NEBL: variants seen among roughly 807,000 people sequenced by gnomAD.
NEBL encodes the protein LIM and SH3 protein 2.
In NEBL, 122 loss-of-function variants were observed where a neutral mutation model predicts 140.2. The observed-to-expected ratio is 0.87, with a 90% CI of 0.75 to 1.01. The LOEUF is 1.01. Among genes scored for constraint, NEBL ranks in the 50% least tolerant of loss-of-function variants. The pLI is 0.00. For missense variants in NEBL, 1,365 were observed against 1,231.3 expected, an observed-to-expected ratio of 1.11 and a Z score of -1.62; for synonymous variants, 436 against 398.9, an observed-to-expected ratio of 1.09 and a Z score of -1.11.
intron 3 of NEBL, among the ~76,000 whole-genome samples, chr10:21,193,224 C>T (rs993282389): frequency 2.6e-5 from 4 of 152,118 alleles, no homozygotes; most frequent in African/African-American, 9.7e-5. Context: ...CGTGGGTGAG[C>T]ACCTGGAGAC....
chr10:21,211,100 G>A (rs975334367), intron 3 of NEBL, among the ~76,000 whole-genome samples: 1 of 152,202 alleles, frequency 6.6e-6, no homozygotes, highest in Non-Finnish European at 1.5e-5. Context: ...CTCGCAGAAA[G>A]AGGAGATAGA....
chr10:20,942,230 C>A (rs1834909802), intron 4 of NEBL, among the ~76,000 whole-genome samples: 1 of 152,094 alleles, frequency 6.6e-6, no homozygotes, highest in Non-Finnish European at 1.5e-5. Context: ...GGTACTGGTA[C>A]CAAAACAGTG....
chr10:21,158,584 C>T (rs571401585), intron 2 of NEBL, among the ~76,000 whole-genome samples: 11 of 152,270 alleles, frequency 7.2e-5, no homozygotes. Flanking sequence ...ACTCCCCCAC[C>T]ACATCCGCTC....
intron 4 of NEBL, among the ~76,000 whole-genome samples, chr10:20,955,158 G>A (rs33932343): frequency 0.45 from 68,296 of 151,988 alleles, 16,024 homozygotes; most frequent in Admixed American, 0.57. Flanking sequence ...GAGAGGTGAC[G>A]AGAAATGCAA....
intron 4 of NEBL, among the ~76,000 whole-genome samples, chr10:20,911,265 T>C (rs961838007): frequency 1.3e-4 from 20 of 152,196 alleles, no homozygotes; most frequent in Non-Finnish European, 2.6e-4. Flanking sequence ...CTCTGGAAAG[T>C]AAATTCTATC....
intron 2 of NEBL, among the ~76,000 whole-genome samples, chr10:21,134,320 A>T (rs1198703933): frequency 6.6e-6 from 1 of 152,040 alleles, no homozygotes; most frequent in Non-Finnish European, 1.5e-5. Flanking sequence ...ACTCTCCTAG[A>T]CTCAAAGCTG....
At chr10:20,991,342 ATTTT>A (rs1837446662) in intron 3 of NEBL, among the ~76,000 whole-genome samples, 1 of 152,128 alleles carries the variant, frequency 6.6e-6, no homozygotes, top group African/African-American at 2.4e-5. Context: ...AAGTTTGAAA[ATTTT>A]TATGACAGTG....
intron 26 of NEBL, among the ~76,000 whole-genome samples, chr10:20,799,088 C>A (rs904399699): frequency 6.6e-6 from 1 of 152,020 alleles, no homozygotes; most frequent in Non-Finnish European, 1.5e-5. Flanking sequence ...CATATGATAG[C>A]CTACACATTG....
At chr10:20,924,053 C>T (rs1335411818) in intron 4 of NEBL, among the ~76,000 whole-genome samples, 1 of 152,048 alleles carries the variant, frequency 6.6e-6, no homozygotes, top group East Asian at 1.9e-4. Context: ...AGTTTCCTCT[C>T]GATATACAGC....
chr10:21,132,549 G>C (rs1232416717), intron 2 of NEBL, among the ~76,000 whole-genome samples: 2 of 152,122 alleles, frequency 1.3e-5, no homozygotes, highest in African/African-American at 4.8e-5. Context: ...TTTAAATTTT[G>C]AGGAAATGCT....
At chr10:21,280,387 C>A (rs1295653969) in intron 1 of NEBL, among the ~76,000 whole-genome samples, 2 of 152,070 alleles carry the variant, frequency 1.3e-5, no homozygotes, top group African/African-American at 4.8e-5. Flanking sequence ...AATTGTAAGT[C>A]CCTTTAGGAG....
intron 2 of NEBL, among the ~76,000 whole-genome samples, chr10:21,141,017 T>C (rs1037425315): frequency 7.1e-6 from 1 of 141,036 alleles, no homozygotes; most frequent in Non-Finnish European, 1.5e-5. Flanking sequence ...CTGAATCTAA[T>C]CATGAGGAGA....
chr10:21,190,574 T>A (rs1841555737), intron 3 of NEBL, among the ~76,000 whole-genome samples: 2 of 152,222 alleles, frequency 1.3e-5, no homozygotes, highest in South Asian at 4.1e-4. Context: ...CCAAGGATAA[T>A]TTAAAGTAGA....
chr10:21,079,541 C>T (rs1836272676), intron 2 of NEBL, among the ~76,000 whole-genome samples: 1 of 152,184 alleles, frequency 6.6e-6, no homozygotes, highest in Non-Finnish European at 1.5e-5. Flanking sequence ...CAACACCACA[C>T]AGCCTTCAGA....
At chr10:20,876,543 A>G (rs527366681) in intron 5 of NEBL, among the ~76,000 whole-genome samples, 2 of 152,210 alleles carry the variant, frequency 1.3e-5, no homozygotes, top group East Asian at 1.9e-4. Context: ...TTTACTGATA[A>G]GTTTTTATTA....
At chr10:21,229,851 C>G (rs911641776) in intron 3 of NEBL, among the ~76,000 whole-genome samples, 1 of 152,202 alleles carries the variant, frequency 6.6e-6, no homozygotes, top group Non-Finnish European at 1.5e-5. Flanking sequence ...GTGAACTGAC[C>G]TGGTAAACCT....
At chr10:20,846,940 C>T (rs1319447811) in intron 11 of NEBL, among the ~76,000 whole-genome samples, 3 of 151,890 alleles carry the variant, frequency 2.0e-5, no homozygotes, top group Non-Finnish European at 2.9e-5. Context: ...TAAAGATTTC[C>T]TCCAGAAAAC....
At chr10:21,176,504 T>G (rs902141991), upstream of NEBL, among the ~76,000 whole-genome samples, 1 of 152,234 alleles carries the variant, frequency 6.6e-6, no homozygotes, top group African/African-American at 2.4e-5. Flanking sequence ...AATGCCATTT[T>G]ACTGATGTAA....
intron 3 of NEBL, among the ~76,000 whole-genome samples, chr10:21,246,813 G>C (rs946342813): frequency 6.6e-6 from 1 of 152,094 alleles, no homozygotes; most frequent in Non-Finnish European, 1.5e-5. Context: ...CAGCCTGGGT[G>C]ACAGAGTGAG....
Sources: gnomAD v4.1 joint callset for allele counts (sites outside exome capture counted in the v4.1 genomes callset) on GRCh38, gnomAD v4.1.1 for gene constraint, MANE v1.5 for transcripts, NCBI Gene and HGNC (gene_info 2026-07-23, HGNC 2026-07-21) for gene names.